The following AHCTF1 variants were observed in gnomAD, a reference collection of about 807,000 sequenced individuals.
The protein encoded by AHCTF1 is protein ELYS.
A neutral mutation model predicts 248.4 loss-of-function variants in AHCTF1; 24 were observed. The observed-to-expected ratio is 0.10, with a 90% CI of 0.07 to 0.14. The LOEUF (loss-of-function observed/expected upper bound fraction) is 0.14, where lower values mean the gene tolerates loss of function less well. Among genes scored for constraint, AHCTF1 ranks in the 10% least tolerant of loss-of-function variants. AHCTF1 has a pLI of 1.00. For missense variants in AHCTF1, 2,206 were observed against 2,636.2 expected (o/e 0.84, Z 3.57); for synonymous variants, 786 against 929.8 (o/e 0.85, Z 2.81).
chr1:246,895,233 AG>A (rs1664489205), intron 13 of AHCTF1, among the ~76,000 whole-genome samples: 1 of 152,192 alleles, frequency 6.6e-6, no homozygotes, highest in African/African-American at 2.4e-5. Flanking sequence ...GTTAGATAAA[AG>A]TCTTAATTTT....
chr1:246,920,907 G>A (rs755779938), intron 1 of AHCTF1, among the ~76,000 whole-genome samples: 13 of 151,852 alleles, frequency 8.6e-5, no homozygotes, highest in Non-Finnish European at 1.3e-4. Flanking sequence ...CCAACATGGT[G>A]AATCCACATC....
Position 246,839,730 on chromosome 1 carries a change from C to A in AHCTF1, c.*1076G>T, listed in dbSNP as rs1199504551. ...TCAATTATTAATAGTCCATTCATTA[C>A]ACACTATCGATTACCTGTTATAAAT... is the stretch of plus-strand genomic sequence containing the variant. On this transcript the variant is annotated 3_prime_UTR_variant, in exon 36 of 36. Coordinates refer to ENST00000648844, the MANE Select transcript of AHCTF1 (RefSeq NM_001323342.2). The A allele has an allele frequency of 4.5e-5, 8 of 176,882 alleles. No homozygotes were observed. In the South Asian group the frequency reaches 1.5e-3, roughly 33 times the overall value. The allele number at this position is 176,882 out of a possible 1,614,324, so 11.0% of individuals were successfully genotyped here. A position where few individuals can be genotyped will look rare whatever the true frequency, so the allele number is the denominator to read the frequency against.
chr1:246,883,908 C>A (rs1663630231), intron 21 of AHCTF1, among the ~76,000 whole-genome samples: 1 of 152,062 alleles, frequency 6.6e-6, no homozygotes, highest in Admixed American at 6.6e-5. Context: ...GAGAAACATG[C>A]TCTGGATGAA....
intron 27 of AHCTF1, 113 bp from the exon 28 acceptor site, chr1:246,862,266 G>C: frequency 1.5e-6 from 1 of 651,454 alleles, no homozygotes. Flanking sequence ...GGATCACCAG[G>C]TCAGGAGATC....
intron 26 of AHCTF1, among the ~76,000 whole-genome samples, chr1:246,866,411 A>C (rs747152873): frequency 1.3e-5 from 2 of 152,192 alleles, no homozygotes; most frequent in East Asian, 3.8e-4. Context: ...TTAAAATACC[A>C]TCTTACCAGA....
chr1:246,896,041 A>C (rs766688833), intron 12 of AHCTF1, 116 bp from the exon 13 acceptor site: 7 of 698,094 alleles, frequency 1.0e-5, no homozygotes, highest in Non-Finnish European at 1.7e-5. Flanking sequence ...TATGACCCAT[A>C]AGAAGGGCTA....
Position 246,891,850 on chromosome 1 carries a change from T to C in AHCTF1, c.1874A>G (p.Tyr625Cys), listed in dbSNP as rs368107849. ...TATATTAAGATTGCTAAGAAGCAAA[T>C]AGCATTGCTGGATAGACTGTATAGT... ...PQTIQSIQQC[Y>C]LLLSNLNIVL... The change falls in exon 15 of 36, where the codon TAT becomes TGT. Residue 625 changes from tyrosine (Y) to cysteine (C), a missense_variant. By Grantham distance (194) the Tyr-to-Cys change is radical. Transcript: ENST00000648844. 49 of 1,604,854 alleles carry C rather than the reference T, an allele frequency of 3.1e-5. No individual in the cohort carries two copies. The highest frequency in any genetic ancestry group is 1.2e-4 in the African/African-American group (9 of 74,104).
chr1:246,894,830 A>G, intron 13 of AHCTF1, 82 bp from the exon 14 acceptor site: 1 of 1,187,608 alleles, frequency 8.4e-7, no homozygotes, highest in Non-Finnish European at 1.2e-6. Flanking sequence ...GAAGCATGGC[A>G]GACAGCACCC....
In AHCTF1 at chr1:246,888,373, A is replaced by G. The variant is rs139678494; in HGVS notation, c.2268+21T>C. The G allele has an allele frequency of 1.7e-4, 282 of 1,612,864 alleles. 2 individuals carry two copies. The East Asian group carries it at 5.4e-3, about 31-fold the overall frequency. On this transcript the variant is annotated intron_variant, in intron 18 of 35. Transcript: ENST00000648844. ...CCCAGCTTTGTAGACTCTAAATGAT[A>G]GCACATTACTGCAAACCTACATGCA...
intron 12 of AHCTF1, among the ~76,000 whole-genome samples, chr1:246,897,111 T>A (rs1664637029): frequency 1.3e-5 from 2 of 152,084 alleles, no homozygotes; most frequent in African/African-American, 4.8e-5. Context: ...GTCAGGAGTT[T>A]GAGACCAGCC....
chr1:246,916,109 G>C (rs1455323273), intron 3 of AHCTF1, 33 bp downstream of exon 3: 1 of 1,589,480 alleles, frequency 6.3e-7, no homozygotes, highest in Non-Finnish European at 8.6e-7. Flanking sequence ...AGTTTTGAAA[G>C]AGAAATGTCC....
rs1359467179 is a variant in AHCTF1, at chr1:246,931,647, T to A, written c.-77A>T. 2 of 152,328 alleles carry A rather than the reference T, an allele frequency of 1.3e-5. No homozygotes were observed. Among genetic ancestry groups the A allele is most frequent in the Admixed American group, 1.3e-4 (2 of 15,232 alleles). The allele number at this position is 152,328 out of a possible 1,614,324, so 9.4% of individuals were successfully genotyped here. On this transcript the variant is annotated 5_prime_UTR_variant, in exon 1 of 36. Transcript: ENST00000648844. ...GGTCGCCAGGCCAGGCGCGAGCTCC[T>A]CCCGTGCGGGTCCGTCACAGCATCT...
intron 1 of AHCTF1, among the ~76,000 whole-genome samples, chr1:246,921,963 A>G (rs1451697304): frequency 6.6e-6 from 1 of 152,250 alleles, no homozygotes; most frequent in Non-Finnish European, 1.5e-5. Flanking sequence ...CAACAATAAT[A>G]ATGGCTGTGT....
At chr1:246,874,870 T>C (rs1662830381) in intron 24 of AHCTF1, among the ~76,000 whole-genome samples, 1 of 152,122 alleles carries the variant, frequency 6.6e-6, no homozygotes, top group Non-Finnish European at 1.5e-5. Flanking sequence ...AGGAGTGACA[T>C]ACTTCTAGGG....
intron 4 of AHCTF1, among the ~76,000 whole-genome samples, chr1:246,909,441 G>GT (rs1665646712): frequency 6.7e-6 from 1 of 150,118 alleles, no homozygotes; most frequent in East Asian, 2.0e-4. Flanking sequence ...GCTGCTCTGA[G>GT]TGGTATGATG....
intron 1 of AHCTF1, chr1:246,931,236 G>C (rs555942778): frequency 5.7e-5 from 88 of 1,549,972 alleles, no homozygotes; most frequent in Non-Finnish European, 6.6e-5. Context: ...TCGCGTGGGA[G>C]AACAGTGGGA....
Position 246,849,629 on chromosome 1 carries a change from G to A in AHCTF1, c.6377C>T (p.Pro2126Leu), listed in dbSNP as rs764256014. 27 of 1,607,644 alleles carry A rather than the reference G, an allele frequency of 1.7e-5. No homozygotes were observed. The highest frequency in any genetic ancestry group is 2.2e-5 in the Non-Finnish European group (26 of 1,176,066). The part of the protein sequence containing the change: ...EPLFSPASEV[P>L]RKAKAKKIEV... ...AAGAAAAGTACCTTTTGCTTTCCTT[G>A]GAACTTCTGACGCTGGAGAAAATAA... Residue 2126 changes from proline (P) to leucine (L), a missense_variant, in exon 33 of 36, where the codon CCA becomes CTA. Around this residue, in one of 6 missense-constraint regions of AHCTF1, gnomAD observed 469 missense variants for 470.0 expected, o/e 1.00. Transcript: ENST00000648844.
intron 24 of AHCTF1, among the ~76,000 whole-genome samples, chr1:246,870,332 AG>A (rs1662497560): frequency 6.6e-6 from 1 of 152,194 alleles, no homozygotes; most frequent in Non-Finnish European, 1.5e-5. Flanking sequence ...CTGAGGCAGG[AG>A]GATCACTTGA....
intron 33 of AHCTF1, among the ~76,000 whole-genome samples, chr1:246,844,268 C>A (rs939850485): frequency 6.6e-6 from 1 of 152,158 alleles, no homozygotes; most frequent in Non-Finnish European, 1.5e-5. Context: ...AAGCATTAAT[C>A]CTATATGTAA....
Sources: gnomAD v4.1 joint callset for allele counts (sites outside exome capture counted in the v4.1 genomes callset) on GRCh38, gnomAD v4.1.1 for gene constraint, gnomAD v4.1.1 regional missense constraint, MANE v1.5 for transcripts, NCBI Gene and HGNC (gene_info 2026-07-23, HGNC 2026-07-21) for gene names.